Variants in ENPP1 observed in about 807,000 individuals in gnomAD.
ENPP1 encodes ectonucleotide pyrophosphatase/phosphodiesterase 1.
In ENPP1, 73 loss-of-function variants were observed where a neutral mutation model predicts 122.8. The ratio of observed to expected loss-of-function variants is 0.59; its 90% CI spans 0.49 to 0.72. The LOEUF is 0.72. Among genes scored for constraint, ENPP1 ranks in the 30% least tolerant of loss-of-function variants. The probability of loss-of-function intolerance (pLI) is 0.00; values close to 1 mark genes in which losing one functional copy is unlikely to be tolerated. For synonymous variants in ENPP1, 367 were observed against 391.6 expected (o/e 0.94, Z 0.74); for missense variants, 978 against 1,128.1 (o/e 0.87, Z 1.91).
At chr6:131,859,050 C>T (rs924212947) in intron 7 of ENPP1, among the ~76,000 whole-genome samples, 7 of 152,108 alleles carry the variant, frequency 4.6e-5, no homozygotes, top group African/African-American at 1.7e-4. Context: ...AGTTTTGAGG[C>T]TTACTTTATT....
rs1393566189 is a variant in ENPP1 at position 131,812,422 on chromosome 6, G to A, written c.240+4147G>A. 2.6e-5 allele frequency among the ~76,000 whole-genome samples: 4 copies of A among 152,224 alleles called. No individual in the cohort carries two copies. The South Asian group carries it at 6.2e-4, about 24-fold the overall frequency. ...GTGGCTAGGAGTCCTTTATTTGATG[G>A]TATTTTCTATTAAACAAAATCTTCC... On this transcript the variant is annotated intron_variant, in intron 1 of 24. Coordinates refer to ENST00000647893, the MANE Select transcript of ENPP1 (RefSeq NM_006208.3).
intron 6 of ENPP1, among the ~76,000 whole-genome samples, chr6:131,856,378 T>A (rs1380195226): frequency 2.0e-5 from 3 of 150,706 alleles, no homozygotes; most frequent in Admixed American, 2.0e-4. Context: ...CATTGTAGAT[T>A]CTGGATATTA....
rs572557257 is a variant in ENPP1 at position 131,859,085 on chromosome 6, C to A, written c.795+338C>A. Reference sequence around the variant, plus strand: ...TTGAGCCAAAAAACCTTCCCAAACTCCTGTGTTCACAACTTGTCTTTCTAA... The same window carrying A: ...TTGAGCCAAAAAACCTTCCCAAACTACTGTGTTCACAACTTGTCTTTCTAA... On this transcript the variant is annotated intron_variant, in intron 7 of 24. Transcript: ENST00000647893. 9.8e-5 allele frequency among the ~76,000 whole-genome samples: 15 copies of A among 152,330 alleles called. No homozygotes were observed. In the South Asian group the frequency reaches 2.9e-3, roughly 29 times the overall value.
chr6:131,808,335 C>A, intron 1 of ENPP1, 60 bp downstream of exon 1: 1 of 1,438,078 alleles, frequency 7.0e-7, no homozygotes, highest in South Asian at 1.4e-5. Context: ...AGGGCGGCGC[C>A]GAGCTCCTGC....
chr6:131,877,866 A>AAATATATATAT (rs1562183349), intron 18 of ENPP1: 1 of 53,022 alleles, frequency 1.9e-5, no homozygotes, highest in Non-Finnish European at 3.0e-5. Context: ...AAAAAAAAAA[A>AAATATATATAT]ATATATATAT....
intron 13 of ENPP1, 32 bp from the exon 14 acceptor site, chr6:131,872,038 A>G (rs369007147): frequency 3.4e-6 from 5 of 1,482,908 alleles, no homozygotes; most frequent in Non-Finnish European, 4.7e-6. Flanking sequence ...GTATACAATC[A>G]ACTATTAATT....
intron 1 of ENPP1, chr6:131,827,858 TGGACTC>T (rs1562512294): frequency 4.3e-6 from 6 of 1,402,898 alleles, no homozygotes; most frequent in South Asian, 1.2e-5. Flanking sequence ...AGCAAAATCT[TGGACTC>T]GGAGAGTTTC....
chr6:131,876,916 T>G, intron 17 of ENPP1, 76 bp from the exon 18 acceptor site: 4 of 1,421,854 alleles, frequency 2.8e-6, no homozygotes, highest in Non-Finnish European at 4.0e-6. Flanking sequence ...TTTAAAAAAG[T>G]AAAGATCATG....
intron 9 of ENPP1, among the ~76,000 whole-genome samples, chr6:131,863,301 C>T (rs1782046269): frequency 6.6e-6 from 1 of 152,098 alleles, no homozygotes; most frequent in Non-Finnish European, 1.5e-5. Context: ...TTAGAATAAC[C>T]TCTCTGTGAT....
chr6:131,811,130 T>C (rs78819965), intron 1 of ENPP1, among the ~76,000 whole-genome samples: 2,283 of 152,268 alleles, frequency 0.015, 66 homozygotes, highest in African/African-American at 0.053. Context: ...TTAAATATCC[T>C]TCTTGTTTCT....
At chr6:131,853,409 G>A (rs912633627) in intron 5 of ENPP1, among the ~76,000 whole-genome samples, 7 of 152,120 alleles carry the variant, frequency 4.6e-5, no homozygotes, top group African/African-American at 1.7e-4. Flanking sequence ...ATCTTTTAGT[G>A]GAAAACATAA....
intron 1 of ENPP1, among the ~76,000 whole-genome samples, chr6:131,841,023 T>C (rs1021347792): frequency 2.0e-5 from 3 of 152,194 alleles, no homozygotes; most frequent in Non-Finnish European, 4.4e-5. Flanking sequence ...TTCACTGCAG[T>C]TTCAGAGGAT....
intron 1 of ENPP1, chr6:131,827,265 A>C: frequency 8.0e-7 from 1 of 1,245,950 alleles, no homozygotes; most frequent in South Asian, 1.2e-5. Flanking sequence ...TGATAGGAAT[A>C]TGGAGAAGCG....
chr6:131,855,821 A>C (rs981977898), intron 6 of ENPP1, among the ~76,000 whole-genome samples: 2 of 151,938 alleles, frequency 1.3e-5, no homozygotes, highest in Non-Finnish European at 2.9e-5. Flanking sequence ...ATTCCCCATA[A>C]AATAGTATAA....
intron 1 of ENPP1, among the ~76,000 whole-genome samples, chr6:131,814,430 A>T (rs1262487172): frequency 6.6e-6 from 1 of 152,182 alleles, no homozygotes; most frequent in Non-Finnish European, 1.5e-5. Context: ...GGCAAAATTA[A>T]TGTAATTATA....
At chr6:131,852,105 G>A in intron 4 of ENPP1, 70 bp from the exon 5 acceptor site, 2 of 997,626 alleles carry the variant, frequency 2.0e-6, no homozygotes, top group Non-Finnish European at 3.2e-6. Flanking sequence ...CTGTCTTAAT[G>A]TGTCTCACAA....
intron 11 of ENPP1, among the ~76,000 whole-genome samples, chr6:131,866,985 C>A (rs75238287): frequency 6.6e-6 from 1 of 152,290 alleles, no homozygotes; most frequent in East Asian, 1.9e-4. Context: ...ATTTGAAAAT[C>A]ATTGCTGCCT....
rs1251134533 is a variant in ENPP1 at position 131,891,690 on chromosome 6, A to C, written c.*1179A>C. 6.6e-6 allele frequency: 1 copy of C among 151,912 alleles called. No homozygotes were observed. The highest frequency in any genetic ancestry group is 1.5e-5 in the Non-Finnish European group (1 of 68,014). 9.4% of individuals were successfully genotyped at this position (151,912 alleles called of 1,614,324 possible). ...CTTCAACGGCCTAAGGGCCAGCTGC[A>C]AAGACTTTTGGAAAATACAATTTAC... On this transcript the variant is annotated 3_prime_UTR_variant, in exon 25 of 25. Coordinates refer to ENST00000647893, the MANE Select transcript of ENPP1 (RefSeq NM_006208.3).
intron 1 of ENPP1, among the ~76,000 whole-genome samples, chr6:131,840,995 A>G (rs1457042234): frequency 6.6e-6 from 1 of 152,136 alleles, no homozygotes; most frequent in African/African-American, 2.4e-5. Context: ...TAGTTATGTA[A>G]AGGGCTTCAC....
Sources: allele counts gnomAD v4.1 joint callset (sites outside exome capture counted in the v4.1 genomes callset), GRCh38; gene constraint gnomAD v4.1.1; transcripts MANE v1.5; gene names NCBI Gene and HGNC (gene_info 2026-07-23, HGNC 2026-07-21).